The following MASP1 variants were observed in gnomAD, a reference collection of about 807,000 sequenced individuals.
MASP1 encodes mannan-binding lectin serine protease 1.
A neutral mutation model predicts 77.1 loss-of-function variants in MASP1; 59 were observed. That is an observed-to-expected ratio of 0.77 (90% CI 0.62 to 0.95). The LOEUF is 0.95. MASP1 is among the 40% of genes least tolerant of loss of function. The probability of loss-of-function intolerance (pLI) is 0.00; values close to 1 mark genes in which losing one functional copy is unlikely to be tolerated. For synonymous variants in MASP1, 362 were observed against 354.5 expected (o/e 1.02, Z -0.24); for missense variants, 885 against 912.9 (o/e 0.97, Z 0.39).
At chr3:187,233,497 T>C (rs537157790), downstream of MASP1, among the ~76,000 whole-genome samples, 3 of 152,344 alleles carry the variant, frequency 2.0e-5, no homozygotes, top group Admixed American at 6.5e-5. Flanking sequence ...GTTCCTATAG[T>C]ACTTAAATCT....
rs757559720 is a variant in MASP1, at chr3:187,234,664, CCAGGCAGCCTGG to C, written c.*1008_*1019del. The C allele has an allele frequency of 1.4e-5, 18 of 1,287,084 alleles. No homozygotes were observed. The South Asian group carries it at 2.1e-4, about 15-fold the overall frequency. 79.7% of individuals were successfully genotyped at this position (1,287,084 alleles called of 1,614,324 possible). ...CCGCCCAGCTCATGCCCCAGGGATG[CCAGGCAGCCTGG>C]CAGGATTTGGGTGACTTCTAATGTG... On this transcript the variant is annotated 3_prime_UTR_variant, in exon 11 of 11. Transcript: ENST00000296280.
exon 16 of MASP1, chr3:187,220,257 T>C (rs775117739): frequency 6.2e-7 from 1 of 1,613,880 alleles, no homozygotes; most frequent in Non-Finnish European, 8.5e-7. Flanking sequence ...AGGCGTCCTT[T>C]CCCCCTAGGT....
chr3:187,264,498 G>C (rs987174911), intron 2 of MASP1, among the ~76,000 whole-genome samples: 3 of 151,562 alleles, frequency 2.0e-5, no homozygotes, highest in African/African-American at 7.3e-5. Context: ...GTACTTTAAA[G>C]AAGTACCCAC....
intron 8 of MASP1, chr3:187,244,146 C>T (rs1364530502): frequency 1.7e-5 from 3 of 173,950 alleles, no homozygotes; most frequent in African/African-American, 7.1e-5. Context: ...TGTATGAGTA[C>T]ACAGCCCCAC....
At chr3:187,260,690 T>C (rs750647156) in intron 4 of MASP1, 51 bp downstream of exon 4, 2 of 1,611,850 alleles carry the variant, frequency 1.2e-6, no homozygotes, top group South Asian at 2.2e-5. Context: ...TCTAATGTTA[T>C]TGAGGATGTG....
chr3:187,277,596 C>T (rs1220810445), intron 2 of MASP1, among the ~76,000 whole-genome samples: 1 of 152,126 alleles, frequency 6.6e-6, no homozygotes, highest in Admixed American at 6.5e-5. Context: ...AACAGGACCC[C>T]TTCCACAGTA....
intron 13 of MASP1, among the ~76,000 whole-genome samples, chr3:187,223,358 A>G (rs991130639): frequency 2.6e-5 from 4 of 152,218 alleles, no homozygotes; most frequent in African/African-American, 9.6e-5. Flanking sequence ...CAGCTGGGCT[A>G]CAGATTACCT....
chr3:187,266,836 G>GTGGAAGGACAGCTACTCTA (rs1303408738), intron 2 of MASP1, among the ~76,000 whole-genome samples: 11 of 152,198 alleles, frequency 7.2e-5, no homozygotes, highest in African/African-American at 2.7e-4. Flanking sequence ...CCAAATTTCT[G>GTGGAAGGACAGCTACTCTA]TGGAAGGACA....
Position 187,225,338 on chromosome 3 carries a change from C to G in MASP1, c.1727G>C (p.Gly576Ala), listed in dbSNP as rs779725841. ...GGGGAAAGTACCTTCCTGCTGGGGT[C>G]CCTCAGGCAGACAGATGGGCATCAC... The change falls in exon 13 of 16, where the codon GGA (glycine) becomes GCA (alanine). Residue 576 changes from glycine to alanine, a missense_variant. By Grantham distance (60) the Gly-to-Ala change is moderately conservative. Coordinates refer to the MASP1 transcript ENST00000337774. The G allele has an allele frequency of 1.4e-5, 23 of 1,613,214 alleles. No homozygotes were observed. In the East Asian group the frequency reaches 4.9e-4, roughly 34 times the overall value.
intron 12 of MASP1, chr3:187,226,274 C>T: frequency 1.4e-6 from 1 of 718,784 alleles, no homozygotes; most frequent in South Asian, 1.5e-5. Context: ...GGTTCCTGGA[C>T]CTCCATCCCA....
chr3:187,230,368 G>A (rs1381027930), downstream of MASP1, among the ~76,000 whole-genome samples: 1 of 152,226 alleles, frequency 6.6e-6, no homozygotes, highest in African/African-American at 2.4e-5. Context: ...AAAGTTGAGG[G>A]ACAAAGAGAC....
At chr3:187,225,190 T>C in intron 13 of MASP1, 1 of 1,009,114 alleles carries the variant, frequency 9.9e-7, no homozygotes, top group Non-Finnish European at 1.5e-6. Flanking sequence ...ACTTGGCTGT[T>C]TGAGGGGAAG....
Position 187,253,381 on chromosome 3 carries a change from C to T in MASP1, c.745-66G>A, listed in dbSNP as rs968099172. 3.3e-6 allele frequency: 5 copies of T among 1,512,214 alleles called. No homozygotes were observed. In the African/African-American group the frequency reaches 6.9e-5, roughly 21 times the overall value. 93.7% of individuals were successfully genotyped at this position (1,512,214 alleles called of 1,614,324 possible). On this transcript the variant is annotated intron_variant, in intron 5 of 10. Coordinates refer to ENST00000296280, the MANE Select transcript of MASP1 (RefSeq NM_139125.4). ...ATCTGAGCAGCCAAAATGGCCACTG[C>T]AGGTAACACCTCTCCACTGCACTCT...
intron 13 of MASP1, among the ~76,000 whole-genome samples, chr3:187,223,866 A>G (rs1310687250): frequency 2.0e-5 from 3 of 152,248 alleles, no homozygotes; most frequent in African/African-American, 7.2e-5. Context: ...GATCTGCTTC[A>G]TACAAGCTGC....
intron 10 of MASP1, 25 bp from the exon 11 acceptor site, chr3:187,236,592 G>C: frequency 6.2e-7 from 1 of 1,613,486 alleles, no homozygotes. Context: ...AGGGAGCAGG[G>C]ACAAGAGACA....
intron 15 of MASP1, chr3:187,220,372 G>A: frequency 1.1e-6 from 1 of 913,962 alleles, no homozygotes; most frequent in Non-Finnish European, 1.7e-6. Context: ...GGGCATAGCA[G>A]ACCGTTGGAC....
intron 11 of MASP1, among the ~76,000 whole-genome samples, chr3:187,228,324 T>C (rs887223690): frequency 1.3e-5 from 2 of 151,410 alleles, no homozygotes; most frequent in African/African-American, 4.9e-5. Flanking sequence ...AGAAAATGAA[T>C]TCATTCTTAA....
intron 2 of MASP1, among the ~76,000 whole-genome samples, chr3:187,284,080 G>C (rs1014349937): frequency 6.6e-6 from 1 of 152,054 alleles, no homozygotes; most frequent in African/African-American, 2.4e-5. Context: ...TGTAGAAATC[G>C]CATCTAGATT....
chr3:187,225,579 C>CCCCAGCCCCAT, intron 12 of MASP1: 1 of 1,525,674 alleles, frequency 6.6e-7, no homozygotes, highest in Non-Finnish European at 9.1e-7. Context: ...TCCCTGTCAG[C>CCCCAGCCCCAT]CCCCGCCCCA....
Sources: gnomAD v4.1 joint callset for allele counts (sites outside exome capture counted in the v4.1 genomes callset) on GRCh38, gnomAD v4.1.1 for gene constraint, MANE v1.5 for transcripts, NCBI Gene and HGNC (gene_info 2026-07-23, HGNC 2026-07-21) for gene names.